CNTN4: variants seen among roughly 807,000 people sequenced by gnomAD.
CNTN4 encodes contactin 4.
Under a neutral mutation model 122.5 loss-of-function variants are expected in CNTN4, and 77 were observed. The observed-to-expected ratio is 0.63, with a 90% confidence interval of 0.52 to 0.76. The LOEUF is 0.76. CNTN4 is among the 30% of genes least tolerant of loss of function. The pLI is 0.00. For synonymous variants in CNTN4, 512 were observed against 447.0 expected, an observed-to-expected ratio of 1.15 and a Z score of -1.83; for missense variants, 1,256 against 1,259.1, an observed-to-expected ratio of 1.00 and a Z score of 0.04.
At chr3:2,590,496 A>G (rs1011221839) in intron 4 of CNTN4, among the ~76,000 whole-genome samples, 11 of 151,844 alleles carry the variant, frequency 7.2e-5, no homozygotes, top group Non-Finnish European at 1.0e-4. Flanking sequence ...ACCTCAAGTG[A>G]TCTGCCTGCC....
chr3:2,547,608 A>G (rs1390100869), intron 3 of CNTN4, among the ~76,000 whole-genome samples: 1 of 152,072 alleles, frequency 6.6e-6, no homozygotes, highest in Non-Finnish European at 1.5e-5. Flanking sequence ...TTCAAGAAGA[A>G]ATATTCAGTA....
intron 20 of CNTN4, chr3:3,040,497 A>G (rs1700057212): frequency 3.5e-6 from 2 of 568,716 alleles, no homozygotes; most frequent in Non-Finnish European, 6.3e-6. Context: ...TATTGATTCC[A>G]TTGCTAAGGA....
chr3:2,772,463 G>A (rs1235017312), intron 6 of CNTN4, among the ~76,000 whole-genome samples: 5 of 151,938 alleles, frequency 3.3e-5, no homozygotes, highest in Admixed American at 1.3e-4. Flanking sequence ...TGACTTTAAA[G>A]TCTAATGTCT....
At chr3:2,675,750 C>G (rs2150420118) in intron 4 of CNTN4, among the ~76,000 whole-genome samples, 1 of 152,258 alleles carries the variant, frequency 6.6e-6, no homozygotes, top group African/African-American at 2.4e-5. Context: ...GAGAGCAGCA[C>G]CAGCAACTCA....
intron 3 of CNTN4, among the ~76,000 whole-genome samples, chr3:2,391,353 T>A (rs147726009): frequency 2.6e-4 from 39 of 152,306 alleles, no homozygotes; most frequent in Non-Finnish European, 4.9e-4. Flanking sequence ...CTTTTATGAC[T>A]ATTTTTACAA....
intron 23 of CNTN4, among the ~76,000 whole-genome samples, chr3:3,050,763 CAAAAA>C (rs1184756504): frequency 2.4e-5 from 2 of 85,036 alleles, no homozygotes; most frequent in African/African-American, 5.5e-5. Context: ...AACTCCGTCT[CAAAAA>C]AAAAAAAAAA....
At chr3:2,215,615 G>T (rs1439932789) in intron 2 of CNTN4, among the ~76,000 whole-genome samples, 4 of 152,038 alleles carry the variant, frequency 2.6e-5, no homozygotes, top group African/African-American at 4.8e-5. Context: ...GGGCGCAGTG[G>T]TTCACGCCTG....
intron 4 of CNTN4, among the ~76,000 whole-genome samples, chr3:2,673,843 G>A (rs1036436629): frequency 6.6e-6 from 1 of 152,090 alleles, no homozygotes; most frequent in Non-Finnish European, 1.5e-5. Context: ...CGCCCGGCCG[G>A]AGGGTCAGTT....
intron 14 of CNTN4, among the ~76,000 whole-genome samples, chr3:2,999,560 C>T (rs1478060244): frequency 1.3e-5 from 2 of 152,110 alleles, no homozygotes; most frequent in East Asian, 3.9e-4. Context: ...TTGTCAGTTC[C>T]TAGATGGCAC....
chr3:2,757,951 G>A (rs1018764370), intron 6 of CNTN4, among the ~76,000 whole-genome samples: 4 of 152,108 alleles, frequency 2.6e-5, no homozygotes, highest in Non-Finnish European at 5.9e-5. Flanking sequence ...GTATTAATTT[G>A]CTCCTAAATA....
chr3:2,487,738 T>C (rs1459508893), intron 3 of CNTN4, among the ~76,000 whole-genome samples: 4 of 152,230 alleles, frequency 2.6e-5, no homozygotes, highest in African/African-American at 9.6e-5. Flanking sequence ...ACCTTTGTAA[T>C]TTTTGAAATA....
chr3:2,788,051 A>G (rs557039815), intron 6 of CNTN4, among the ~76,000 whole-genome samples: 1 of 152,130 alleles, frequency 6.6e-6, no homozygotes, highest in Admixed American at 6.5e-5. Context: ...CGGCCTCTCA[A>G]AGTGCTCGGA....
chr3:2,478,593 C>A (rs1227786753), intron 3 of CNTN4, among the ~76,000 whole-genome samples: 2 of 152,106 alleles, frequency 1.3e-5, no homozygotes, highest in South Asian at 4.1e-4. Flanking sequence ...CACACCCGTC[C>A]CTCTGACAGG....
rs181409980 is a variant in CNTN4 at position 2,796,775 on chromosome 3, A to G, written c.359-22711A>G. Reference sequence around the variant, plus strand: ...AAGAGAGATTAAGGGAAAGGTGACAACTAAGTTTGCATTTATTTTTAGCTT... The same window carrying G: ...AAGAGAGATTAAGGGAAAGGTGACAGCTAAGTTTGCATTTATTTTTAGCTT... On this transcript the variant is annotated intron_variant, in intron 6 of 24. Transcript: ENST00000418658. 5.9e-3 allele frequency among the ~76,000 whole-genome samples: 891 copies of G among 152,282 alleles called. 32 individuals are homozygous for G. Among genetic ancestry groups the G allele is most frequent in the Middle Eastern group, 6.8e-3 (2 of 294 alleles).
chr3:2,507,908 T>C (rs2076779945), intron 3 of CNTN4, among the ~76,000 whole-genome samples: 1 of 151,978 alleles, frequency 6.6e-6, no homozygotes, highest in African/African-American at 2.4e-5. Flanking sequence ...CCCTCAAATT[T>C]TTTGCTAATA....
intron 3 of CNTN4, among the ~76,000 whole-genome samples, chr3:2,486,954 TA>T (rs999722699): frequency 1.2e-4 from 19 of 152,138 alleles, no homozygotes; most frequent in Middle Eastern, 6.8e-3. Context: ...TGTTCTTTTT[TA>T]AAAAAAATAA....
chr3:2,238,991 C>T (rs1321308229), intron 2 of CNTN4: 1 of 149,934 alleles, frequency 6.7e-6, no homozygotes, highest in African/African-American at 2.4e-5. Flanking sequence ...TCCCAAAGTG[C>T]TGGGATGACA....
chr3:2,613,869 C>G (rs960827521), intron 4 of CNTN4, among the ~76,000 whole-genome samples: 19 of 152,030 alleles, frequency 1.2e-4, no homozygotes, highest in Non-Finnish European at 2.9e-5. Flanking sequence ...CTTTCTGTTC[C>G]ACATTGAATA....
intron 2 of CNTN4, among the ~76,000 whole-genome samples, chr3:2,190,819 CACACACACACACACAT>C (rs895502414): frequency 2.6e-5 from 4 of 151,126 alleles, no homozygotes; most frequent in African/African-American, 9.8e-5. Context: ...CACACACACA[CACACACACACACACAT>C]ACACACACAC....
Sources: gnomAD v4.1 joint callset for allele counts (sites outside exome capture counted in the v4.1 genomes callset) on GRCh38, gnomAD v4.1.1 for gene constraint, MANE v1.5 for transcripts, NCBI Gene and HGNC (gene_info 2026-07-23, HGNC 2026-07-21) for gene names.